XXYLT1: variants seen among roughly 807,000 people sequenced by gnomAD.
XXYLT1 encodes the protein UDP-xylose:alpha-xyloside alpha-1,3-xylosyltransferase.
In XXYLT1, 20 loss-of-function variants were observed where a neutral mutation model predicts 28.9. That is an observed-to-expected ratio of 0.69 (90% CI 0.49 to 1.00). The LOEUF (loss-of-function observed/expected upper bound fraction) is 1.00, where lower values mean the gene tolerates loss of function less well. Among genes scored for constraint, XXYLT1 ranks in the 50% least tolerant of loss-of-function variants. The pLI, the probability that XXYLT1 is intolerant of heterozygous loss-of-function variation, is 0.00. For missense variants in XXYLT1, 542 were observed against 560.1 expected, an observed-to-expected ratio of 0.97 and a Z score of 0.33; for synonymous variants, 257 against 253.8, an observed-to-expected ratio of 1.01 and a Z score of -0.12.
At chr3:195,160,713 G>A (rs886270696) in intron 2 of XXYLT1, among the ~76,000 whole-genome samples, 1 of 152,202 alleles carries the variant, frequency 6.6e-6, no homozygotes, top group Non-Finnish European at 1.5e-5. Context: ...TGAGGCCCAC[G>A]GGACAGGCAC....
At chr3:195,116,454 T>C (rs1718048774) in intron 3 of XXYLT1, among the ~76,000 whole-genome samples, 1 of 152,186 alleles carries the variant, frequency 6.6e-6, no homozygotes, top group African/African-American at 2.4e-5. Context: ...GTAGTGAGAC[T>C]TGAAGCTTCA....
chr3:195,085,127 G>A (rs998336035), intron 3 of XXYLT1, among the ~76,000 whole-genome samples: 9 of 152,326 alleles, frequency 5.9e-5, no homozygotes, highest in African/African-American at 1.2e-4. Flanking sequence ...CTCCTTGCAC[G>A]AGGTCAAGTA....
chr3:195,268,796 G>T (rs1271113352), intron 1 of XXYLT1, among the ~76,000 whole-genome samples: 2 of 152,174 alleles, frequency 1.3e-5, no homozygotes, highest in African/African-American at 4.8e-5. Context: ...AGTAAAGTGG[G>T]GTAGTCCGAG....
At chr3:195,251,509 C>T (rs528288439) in intron 1 of XXYLT1, among the ~76,000 whole-genome samples, 1 of 152,282 alleles carries the variant, frequency 6.6e-6, no homozygotes, top group Non-Finnish European at 1.5e-5. Context: ...GCGCTGAGCA[C>T]CGGGTCCAGA....
chr3:195,071,198 G>A (rs1433762844), intron 3 of XXYLT1, among the ~76,000 whole-genome samples: 1 of 152,222 alleles, frequency 6.6e-6, no homozygotes, highest in Non-Finnish European at 1.5e-5. Context: ...CACTGTGGCA[G>A]GGACAGGCGT....
intron 1 of XXYLT1, among the ~76,000 whole-genome samples, chr3:195,239,721 C>T (rs6787750): frequency 1.3e-5 from 2 of 152,182 alleles, no homozygotes; most frequent in Admixed American, 6.5e-5. Context: ...AACAGCAATG[C>T]CTTTATGAAG....
At chr3:195,146,585 A>C (rs1719864376) in intron 3 of XXYLT1, 2 of 152,290 alleles carry the variant, frequency 1.3e-5, no homozygotes, top group South Asian at 4.1e-4. Context: ...GTCTATCCCA[A>C]GAGCACTCTT....
intron 3 of XXYLT1, among the ~76,000 whole-genome samples, chr3:195,097,960 G>A (rs1333916171): frequency 6.6e-6 from 1 of 151,540 alleles, no homozygotes; most frequent in Non-Finnish European, 1.5e-5. Context: ...AATAAGGAAG[G>A]ACCCACAGAG....
intron 2 of XXYLT1, among the ~76,000 whole-genome samples, chr3:195,219,959 C>T (rs777693227): frequency 2.0e-5 from 3 of 152,138 alleles, no homozygotes; most frequent in Non-Finnish European, 4.4e-5. Flanking sequence ...TTTATAACAG[C>T]TTGCATTTGT....
intron 2 of XXYLT1, among the ~76,000 whole-genome samples, chr3:195,190,263 C>A (rs997968602): frequency 1.3e-5 from 2 of 151,912 alleles, no homozygotes; most frequent in African/African-American, 2.4e-5. Flanking sequence ...GAGAAGCCAA[C>A]GTGGGTGGAT....
chr3:195,161,493 C>T (rs1167277935), intron 2 of XXYLT1, among the ~76,000 whole-genome samples: 1 of 152,010 alleles, frequency 6.6e-6, no homozygotes, highest in African/African-American at 2.4e-5. Flanking sequence ...TCCCACAAGA[C>T]CCTCATCCCC....
At chr3:195,229,337 A>C (rs1241625112) in intron 1 of XXYLT1, among the ~76,000 whole-genome samples, 1 of 152,202 alleles carries the variant, frequency 6.6e-6, no homozygotes, top group Non-Finnish European at 1.5e-5. Flanking sequence ...CATAATAATC[A>C]TATCAAGGTA....
chr3:195,192,653 T>C (rs1230079854), intron 2 of XXYLT1, among the ~76,000 whole-genome samples: 1 of 152,196 alleles, frequency 6.6e-6, no homozygotes, highest in Admixed American at 6.5e-5. Flanking sequence ...CACAGACAAT[T>C]GTCATATGTA....
At chr3:195,226,671 GAC>G in intron 2 of XXYLT1, 36 bp downstream of exon 2, 1 of 1,596,654 alleles carries the variant, frequency 6.3e-7, no homozygotes, top group Non-Finnish European at 8.5e-7. Context: ...GCAAAAGTCA[GAC>G]ACCCAGGGGC....
chr3:195,214,441 C>T (rs762281609), intron 2 of XXYLT1, among the ~76,000 whole-genome samples: 4 of 152,082 alleles, frequency 2.6e-5, no homozygotes, highest in African/African-American at 9.7e-5. Context: ...CTAAACCAGC[C>T]CCCACCCCCG....
chr3:195,268,046 G>A (rs1725896689), intron 1 of XXYLT1, among the ~76,000 whole-genome samples: 3 of 152,182 alleles, frequency 2.0e-5, no homozygotes, highest in South Asian at 2.1e-4. Context: ...CAGCTATGCA[G>A]GAGGCTAAGG....
intron 3 of XXYLT1, among the ~76,000 whole-genome samples, chr3:195,113,060 T>G (rs989199323): frequency 6.6e-6 from 1 of 152,170 alleles, no homozygotes; most frequent in African/African-American, 2.4e-5. Context: ...TCCTCCCAGA[T>G]AGGAACATTA....
chr3:195,111,186 G>T (rs1717694471), intron 3 of XXYLT1, among the ~76,000 whole-genome samples: 2 of 151,928 alleles, frequency 1.3e-5, no homozygotes, highest in Non-Finnish European at 1.5e-5. Flanking sequence ...GCAAAGCCGT[G>T]ATCTGACTTC....
intron 3 of XXYLT1, among the ~76,000 whole-genome samples, chr3:195,132,339 C>T (rs1403303300): frequency 4.6e-5 from 7 of 152,062 alleles, no homozygotes; most frequent in African/African-American, 7.2e-5. Flanking sequence ...TGGCAGTGCG[C>T]GCCTATAGTC....
Sources: gnomAD v4.1 joint callset for allele counts (sites outside exome capture counted in the v4.1 genomes callset) on GRCh38, gnomAD v4.1.1 for gene constraint, MANE v1.5 for transcripts, NCBI Gene and HGNC (gene_info 2026-07-23, HGNC 2026-07-21) for gene names.